Variants in POU2AF1 observed in about 807,000 individuals in gnomAD.
POU2AF1 encodes the protein POU domain class 2-associating factor 1.
In POU2AF1, 12 loss-of-function variants were observed where a neutral mutation model predicts 26.3. The ratio of observed to expected loss-of-function variants is 0.46; its 90% CI spans 0.29 to 0.74. The LOEUF (loss-of-function observed/expected upper bound fraction) is 0.74, where lower values mean the gene tolerates loss of function less well. Ranked by LOEUF, POU2AF1 falls within the 30% of genes least tolerant of loss-of-function variation. The probability of loss-of-function intolerance (pLI) is 0.09; values close to 1 mark genes in which losing one functional copy is unlikely to be tolerated. For missense variants in POU2AF1, 297 were observed against 334.5 expected (o/e 0.89, Z 0.87); for synonymous variants, 175 against 148.0 (o/e 1.18, Z -1.32).
Position 111,358,900 on chromosome 11 carries a change from G to T in POU2AF1, c.35C>A (p.Ala12Asp). ...LWQKPTAPEQAPAPARPYQGV... is the reference protein window; with the variant it reads ...LWQKPTAPEQDPAPARPYQGV... ...CTGGTATGGCCGGGCCGGGGCTGGG[G>T]CTTGCTCCGGAGCTGTGGCTGTGAA... Residue 12 changes from alanine (A) to aspartate (D), a missense_variant, in exon 2 of 5, where the codon GCC becomes GAC. By Grantham distance (126) the Ala-to-Asp change is moderately radical. Coordinates refer to ENST00000393067, the MANE Select transcript of POU2AF1 (RefSeq NM_006235.3). 2 of 1,605,932 alleles carry T rather than the reference G, an allele frequency of 1.2e-6. No homozygotes were observed.
chr11:111,374,883 T>C (rs1331112659), intron 1 of POU2AF1, among the ~76,000 whole-genome samples: 1 of 152,238 alleles, frequency 6.6e-6, no homozygotes, highest in Non-Finnish European at 1.5e-5. Context: ...ATTATATGCA[T>C]AGTACACATT....
chr11:111,357,848 G>A lies in POU2AF1; in HGVS notation c.148-11C>T, dbSNP rs765083657. The A allele has an allele frequency of 5.0e-6, 8 of 1,603,886 alleles. No homozygotes were observed. The Admixed American group carries it at 1.4e-4, about 28-fold the overall frequency. ...ATGGGGCAGCACCACCTAGAGGGGA[G>A]AGGAGAAGACCAGGGTCAATGTTTA... On this transcript the variant is annotated splice_polypyrimidine_tract_variant and intron_variant, in intron 2 of 4. Coordinates refer to ENST00000393067, the MANE Select transcript of POU2AF1 (RefSeq NM_006235.3).
In POU2AF1 at chr11:111,353,314, C is replaced by T; in HGVS notation, c.*947G>A. 4.3e-6 allele frequency: 1 copy of T among 233,688 alleles called. No homozygotes were observed. The highest frequency in any genetic ancestry group is 1.8e-4 in the South Asian group (1 of 5,522). The allele number at this position is 233,688 out of a possible 1,614,324, so 14.5% of individuals were successfully genotyped here. A position where few individuals can be genotyped will look rare whatever the true frequency, so the allele number is the denominator to read the frequency against. ...TCTTAATAACCAAGTAATCTGGAGC[C>T]AAGTCATTCCTCAGCCTTCCTCCTC... On this transcript the variant is annotated 3_prime_UTR_variant, in exon 5 of 5. Coordinates refer to ENST00000393067, the MANE Select transcript of POU2AF1 (RefSeq NM_006235.3).
chr11:111,370,479 T>A (rs765610200), intron 1 of POU2AF1, among the ~76,000 whole-genome samples: 9 of 152,130 alleles, frequency 5.9e-5, no homozygotes, highest in African/African-American at 9.7e-5. Context: ...GAGGGGTAGA[T>A]TGGCCAGGTC....
rs184667768 is a variant in POU2AF1 at position 111,353,814 on chromosome 11, A to C, written c.*447T>G. On this transcript the variant is annotated 3_prime_UTR_variant, in exon 5 of 5. Transcript: ENST00000393067. Reference sequence around the variant, plus strand: ...CAGACTTGGCAACATTTGACATAAAATGTTATTGCTAAAATCCCTATAATT... The same window carrying C: ...CAGACTTGGCAACATTTGACATAAACTGTTATTGCTAAAATCCCTATAATT... 8.6e-5 allele frequency: 23 copies of C among 266,998 alleles called. No individual in the cohort carries two copies. The Admixed American group carries it at 1.2e-3, about 13-fold the overall frequency. 16.5% of individuals were successfully genotyped at this position (266,998 alleles called of 1,614,324 possible).
At chr11:111,367,207 G>C (rs143240334) in intron 1 of POU2AF1, among the ~76,000 whole-genome samples, 1 of 152,246 alleles carries the variant, frequency 6.6e-6, no homozygotes, top group East Asian at 1.9e-4. Flanking sequence ...GCCTCCTGCA[G>C]ATCAGGTCAA....
rs1860740252 is a variant in POU2AF1, at chr11:111,352,344, T to C, written c.*1917A>G. On this transcript the variant is annotated 3_prime_UTR_variant, in exon 5 of 5. Coordinates refer to ENST00000393067, the MANE Select transcript of POU2AF1 (RefSeq NM_006235.3). The stretch of plus-strand genomic sequence containing the variant: ...AAAAGTCATTTCCCAGAAAAGTCCA[T>C]GACTTCTACATGGATTCTACCAACT... 1 of 183,196 alleles carries C rather than the reference T, an allele frequency of 5.5e-6. No individual in the cohort carries two copies. The highest frequency in any genetic ancestry group is 1.2e-5 in the Non-Finnish European group (1 of 86,098). The allele number at this position is 183,196 out of a possible 1,614,324, so 11.3% of individuals were successfully genotyped here. A position where few individuals can be genotyped will look rare whatever the true frequency, so the allele number is the denominator to read the frequency against.
intron 4 of POU2AF1, among the ~76,000 whole-genome samples, chr11:111,356,994 T>C (rs773237340): frequency 1.5e-4 from 23 of 152,342 alleles, no homozygotes; most frequent in Admixed American, 9.2e-4. Context: ...ATCAAAAATA[T>C]CACCTGTTGT....
At chr11:111,376,736 G>C (rs964912521) in intron 1 of POU2AF1, among the ~76,000 whole-genome samples, 6 of 152,138 alleles carry the variant, frequency 3.9e-5, no homozygotes, top group African/African-American at 1.2e-4. Context: ...AGCACTCTTG[G>C]TGTCTGATTT....
At chr11:111,375,164 A>T (rs1045684165) in intron 1 of POU2AF1, among the ~76,000 whole-genome samples, 1 of 152,226 alleles carries the variant, frequency 6.6e-6, no homozygotes, top group African/African-American at 2.4e-5. Context: ...GCCTTTCATT[A>T]GCATGTAGAT....
intron 1 of POU2AF1, among the ~76,000 whole-genome samples, chr11:111,374,204 T>G (rs568323432): frequency 6.7e-6 from 1 of 149,610 alleles, no homozygotes; most frequent in Admixed American, 6.8e-5. Context: ...TCTGAGTCAG[T>G]AACTTTGGGG....
intron 1 of POU2AF1, among the ~76,000 whole-genome samples, chr11:111,378,623 A>C (rs1861356758): frequency 6.6e-6 from 1 of 151,818 alleles, no homozygotes; most frequent in South Asian, 2.1e-4. Flanking sequence ...CAGTGGAGCA[A>C]GTGAGGACAC....
intron 1 of POU2AF1, chr11:111,363,162 A>C: frequency 9.9e-7 from 1 of 1,012,634 alleles, no homozygotes; most frequent in Non-Finnish European, 1.2e-6. Flanking sequence ...TATGTGGGGC[A>C]ATCTCTAAGT....
At position 111,357,554 on chromosome 11, in the gene POU2AF1, C is replaced by T; in HGVS notation, c.347G>A (p.Cys116Tyr). The T allele has an allele frequency of 6.2e-7, 1 of 1,614,054 alleles. No homozygotes were observed. Among genetic ancestry groups the T allele is most frequent in the Non-Finnish European group, 8.5e-7 (1 of 1,179,974 alleles). Residue 116 changes from cysteine to tyrosine, a missense_variant, in exon 4 of 5, where the codon TGC (cysteine) becomes TAC (tyrosine). By Grantham distance (194) the Cys-to-Tyr change is radical. Coordinates refer to ENST00000393067, the MANE Select transcript of POU2AF1 (RefSeq NM_006235.3). ...CACATACATGTCAGCTGAGTAGGGG[C>T]AGCTGACAGCTTCATGGGGCACATA... ...TEYVPHEAVS[C>Y]PYSADMYVQP... is the part of the protein sequence containing the mutation.
At chr11:111,372,933 T>C (rs758960478) in intron 1 of POU2AF1, among the ~76,000 whole-genome samples, 24 of 152,268 alleles carry the variant, frequency 1.6e-4, no homozygotes, top group Non-Finnish European at 3.1e-4. Flanking sequence ...TGCTCACAGA[T>C]GTAATGGCTG....
chr11:111,361,009 C>G (rs1860996808), intron 1 of POU2AF1, among the ~76,000 whole-genome samples: 1 of 152,032 alleles, frequency 6.6e-6, no homozygotes. Flanking sequence ...TGCTGATAAT[C>G]CATTCCTAAT....
intron 1 of POU2AF1, among the ~76,000 whole-genome samples, chr11:111,378,398 T>C (rs1338103414): frequency 2.6e-5 from 4 of 152,248 alleles, no homozygotes; most frequent in African/African-American, 9.6e-5. Flanking sequence ...TGACGCTGTT[T>C]ACCTCGTGAA....
At chr11:111,374,800 G>C (rs144350206) in intron 1 of POU2AF1, among the ~76,000 whole-genome samples, 308 of 152,260 alleles carry the variant, frequency 2.0e-3, no homozygotes, top group African/African-American at 7.0e-3. Flanking sequence ...AAATATTAGA[G>C]GTTGTCCAGA....
chr11:111,352,951 G>A lies in POU2AF1; in HGVS notation c.*1310C>T. On this transcript the variant is annotated 3_prime_UTR_variant, in exon 5 of 5. Coordinates refer to ENST00000393067, the MANE Select transcript of POU2AF1 (RefSeq NM_006235.3). ...CCGTCCCAAAAAAAACCAAAAAAAA[G>A]AAAGAAAGAGAGAGGAAGGAAGGAA... The A allele has an allele frequency of 6.1e-6, 1 of 164,266 alleles. No homozygotes were observed. Among genetic ancestry groups the A allele is most frequent in the East Asian group, 9.8e-5 (1 of 10,178 alleles). The allele number at this position is 164,266 out of a possible 1,614,324, so 10.2% of individuals were successfully genotyped here. A position where few individuals can be genotyped will look rare whatever the true frequency, so the allele number is the denominator to read the frequency against.
Sources: gnomAD v4.1 joint callset for allele counts (sites outside exome capture counted in the v4.1 genomes callset) on GRCh38, gnomAD v4.1.1 for gene constraint, MANE v1.5 for transcripts, NCBI Gene and HGNC (gene_info 2026-07-23, HGNC 2026-07-21) for gene names.